Variants in PPM1M observed in about 807,000 individuals in gnomAD.
The protein encoded by PPM1M is protein phosphatase 1M.
A neutral mutation model predicts 50.8 loss-of-function variants in PPM1M; 44 were observed. The ratio of observed to expected loss-of-function variants is 0.87; its 90% CI spans 0.68 to 1.11. The LOEUF (loss-of-function observed/expected upper bound fraction) is 1.11, where lower values mean the gene tolerates loss of function less well. PPM1M is among the 50% of genes most tolerant of loss of function. PPM1M has a pLI of 0.00. For missense variants in PPM1M, 556 were observed against 593.4 expected (o/e 0.94, Z 0.66); for synonymous variants, 224 against 242.9 (o/e 0.92, Z 0.72).
At chr3:52,248,066 G>C in intron 4 of PPM1M, 87 bp from the exon 5 acceptor site, 1 of 1,132,638 alleles carries the variant, frequency 8.8e-7, no homozygotes, top group South Asian at 1.3e-5. Flanking sequence ...CTGGATCCTG[G>C]TGGTTGGAGG....
At position 52,249,936 on chromosome 3, in the gene PPM1M, A is replaced by G. The variant is rs1699935546; in HGVS notation, c.*122A>G. 1.2e-6 allele frequency: 1 copy of G among 837,614 alleles called. No individual in the cohort carries two copies. Among genetic ancestry groups the G allele is most frequent in the African/African-American group, 1.7e-5 (1 of 59,726 alleles). The allele number at this position is 837,614 out of a possible 1,614,324, so 51.9% of individuals were successfully genotyped here. On this transcript the variant is annotated 3_prime_UTR_variant, in exon 10 of 10. Transcript: ENST00000323588. ...CTAGCCACCGCCCAGTGCTCTCACT[A>G]TCCACCTCAACACACATCCATCTCA...
At chr3:52,247,853 G>C in intron 4 of PPM1M, 59 bp downstream of exon 4, 1 of 1,091,246 alleles carries the variant, frequency 9.2e-7, no homozygotes, top group South Asian at 1.3e-5. Flanking sequence ...AGCAGCAATG[G>C]GGACAAGCAA....
Position 52,246,806 on chromosome 3 carries a change from AGAG to A in PPM1M, c.341_342+1del, listed in dbSNP as rs924613647. On this transcript the variant is annotated inframe_deletion, in exon 2 of 10. Coordinates refer to ENST00000323588, the MANE Select transcript of PPM1M (RefSeq NM_144641.4). ...AAGAAGAGTGGCTGACCCTGTGCCC[AGAG>A]GAGGTGAGTGCAGTCTGAGTTCTTG... is the stretch of plus-strand genomic sequence containing the variant. The A allele has an allele frequency of 7.1e-7, 1 of 1,406,624 alleles. No individual in the cohort carries two copies. The highest frequency in any genetic ancestry group is 9.5e-7 in the Non-Finnish European group (1 of 1,055,830). The allele number at this position is 1,406,624 out of a possible 1,614,324, so 87.1% of individuals were successfully genotyped here. A position where few individuals can be genotyped will look rare whatever the true frequency, so the allele number is the denominator to read the frequency against.
In PPM1M at chr3:52,246,043, C is replaced by T; in HGVS notation, c.219C>T (p.Tyr73=). The change falls in exon 1 of 10, where the codon TAC becomes TAT. Residue 73 remains tyrosine (Y), a synonymous_variant. Coordinates refer to ENST00000323588, the MANE Select transcript of PPM1M (RefSeq NM_144641.4). ...RGRTLPWNAG[Y]AEIINAEKSE... is the part of the protein sequence containing the mutation. ...GCACGCTACCCTGGAATGCAGGCTA[C>T]GCCGAGTGAGTGCCCCTCCCCGACC... 1.7e-6 allele frequency: 2 copies of T among 1,166,054 alleles called. No individual in the cohort carries two copies. The allele number at this position is 1,166,054 out of a possible 1,614,324, so 72.2% of individuals were successfully genotyped here.
chr3:52,249,844 C>CT lies in PPM1M; in HGVS notation c.*31dup. 6.3e-7 allele frequency: 1 copy of CT among 1,596,212 alleles called. No individual in the cohort carries two copies. The highest frequency in any genetic ancestry group is 8.6e-7 in the Non-Finnish European group (1 of 1,169,162). Reference sequence around the variant, plus strand: ...TCAGACACTGTATCCCAGAACTGCTCTAGTGCCCGGGTGTGGTCTGGGCAT... The same window carrying CT: ...TCAGACACTGTATCCCAGAACTGCTCTTAGTGCCCGGGTGTGGTCTGGGCAT... On this transcript the variant is annotated 3_prime_UTR_variant, in exon 10 of 10. Coordinates refer to ENST00000323588, the MANE Select transcript of PPM1M (RefSeq NM_144641.4).
At chr3:52,247,305 C>T (rs1309825739) in intron 3 of PPM1M, 77 bp downstream of exon 3, 2 of 1,506,822 alleles carry the variant, frequency 1.3e-6, no homozygotes, top group Non-Finnish European at 1.8e-6. Flanking sequence ...TCTCTGTATA[C>T]CCATGGTCAT....
At position 52,246,848 on chromosome 3, in the gene PPM1M, C is replaced by T. The variant is rs1254012932; in HGVS notation, c.342+36C>T. 5.4e-6 allele frequency: 8 copies of T among 1,468,190 alleles called. 1 individual carries two copies. The highest frequency in any genetic ancestry group is 2.0e-4 in the Middle Eastern group (1 of 4,964). 90.9% of individuals were successfully genotyped at this position (1,468,190 alleles called of 1,614,324 possible). A position where few individuals can be genotyped will look rare whatever the true frequency, so the allele number is the denominator to read the frequency against. Reference sequence around the variant, plus strand: ...TCTGAGTTCTTGGCTGGAATCCCTCCGACAGGCTGGGGCCACGACCTGCAG... The same window carrying T: ...TCTGAGTTCTTGGCTGGAATCCCTCTGACAGGCTGGGGCCACGACCTGCAG... On this transcript the variant is annotated intron_variant, in intron 2 of 9. Transcript: ENST00000323588.
At position 52,249,283 on chromosome 3, in the gene PPM1M, T is replaced by C. The variant is rs1291781500; in HGVS notation, c.1196T>C (p.Val399Ala). The C allele has an allele frequency of 1.9e-6, 3 of 1,611,792 alleles. No individual in the cohort carries two copies. The highest frequency in any genetic ancestry group is 2.2e-5 in the East Asian group (1 of 44,826). ...VLSNEQVAWL[V>A]RSFLPGNQED... ...TCCAACGAGCAGGTGGCATGGCTGG[T>C]GCGGAGCTTCCTCCCTGGGAACCAA... Residue 399 changes from valine (V) to alanine (A), a missense_variant, in exon 9 of 10, where the codon GTG (valine) becomes GCG (alanine). Val to Ala is a moderately conservative substitution (Grantham distance 64, BLOSUM62 0). Transcript: ENST00000323588.
chr3:52,246,237 G>T (rs1699854434), intron 1 of PPM1M, 189 bp downstream of exon 1: 4 of 1,010,064 alleles, frequency 4.0e-6, no homozygotes, highest in Non-Finnish European at 4.7e-6. Flanking sequence ...TTGGGATTCC[G>T]ACCTCCCCCT....
At chr3:52,248,488 C>A (rs747330237) in intron 6 of PPM1M, 35 bp downstream of exon 6, 1 of 1,599,516 alleles carries the variant, frequency 6.3e-7, no homozygotes, top group East Asian at 2.2e-5. Flanking sequence ...GGAAGGGAGA[C>A]CCCTGGGATC....
At position 52,247,182 on chromosome 3, in the gene PPM1M, CAGA is replaced by C; in HGVS notation, c.555_557del (p.Glu185del). 5 of 1,613,432 alleles carry C rather than the reference CAGA, an allele frequency of 3.1e-6. No homozygotes were observed. The highest frequency in any genetic ancestry group is 1.1e-5 in the South Asian group (1 of 90,852). On this transcript the variant is annotated inframe_deletion, in exon 3 of 10. Transcript: ENST00000323588. ...TTTGTGGAGGAAAAGGGCATCAGGG[CAGA>C]AGACTTGGTGATCGGGGCATTGGAG...
Position 52,246,360 on chromosome 3 carries a change from T to C in PPM1M, c.224+312T>C, listed in dbSNP as rs567297079. Reference sequence around the variant, plus strand: ...GCTTTGGAGATTTCCCCTCGCCCTCTACCCCCACCATCTCACCCTGGGTAT... The same window carrying C: ...GCTTTGGAGATTTCCCCTCGCCCTCCACCCCCACCATCTCACCCTGGGTAT... On this transcript the variant is annotated intron_variant, in intron 1 of 9. Coordinates refer to ENST00000323588, the MANE Select transcript of PPM1M (RefSeq NM_144641.4). The C allele has an allele frequency of 1.2e-5, 13 of 1,051,504 alleles. No homozygotes were observed. The African/African-American group carries it at 1.7e-4, about 14-fold the overall frequency. 65.1% of individuals were successfully genotyped at this position (1,051,504 alleles called of 1,614,324 possible).
Position 52,248,242 on chromosome 3 carries a change from G to A in PPM1M, c.795+5G>A. ...CGGCAGCGGATCCAGCAGCTGGTAG[G>A]TGCCCTTGGCAGCATGGAGGCTGTG... On this transcript the variant is annotated splice_donor_5th_base_variant and intron_variant, in intron 5 of 9. Coordinates refer to ENST00000323588, the MANE Select transcript of PPM1M (RefSeq NM_144641.4). 6.2e-7 allele frequency: 1 copy of A among 1,612,706 alleles called. No homozygotes were observed. The highest frequency in any genetic ancestry group is 8.5e-7 in the Non-Finnish European group (1 of 1,179,314).
At position 52,249,808 on chromosome 3, in the gene PPM1M, C is replaced by A. The variant is rs1383494356; in HGVS notation, c.1374C>A (p.Asp458Glu). 6.2e-7 allele frequency: 1 copy of A among 1,612,632 alleles called. No individual in the cohort carries two copies. Among genetic ancestry groups the A allele is most frequent in the Admixed American group, 1.7e-5 (1 of 59,938 alleles). Residue 458 changes from aspartate to glutamate, a missense_variant, in exon 10 of 10, where the codon GAC becomes GAA. By Grantham distance (45) the Asp-to-Glu change is conservative. Coordinates refer to ENST00000323588, the MANE Select transcript of PPM1M (RefSeq NM_144641.4). ...ACAGTCAGGGCCAAGAGAGCAGTGA[C>A]CACTGAGGATTCAGACACTGTATCC... ...PLHSQGQESSDH is the reference protein window; with the variant it reads ...PLHSQGQESSEH
Position 52,245,807 on chromosome 3 carries a change from GC to G in PPM1M, c.-13del. On this transcript the variant is annotated 5_prime_UTR_variant, in exon 1 of 10. Transcript: ENST00000323588. This position sits in a 1 kb window ranked among gnomAD's most constrained non-coding sequence, Gnocchi z 4.8. ...CCTAGCGCCCCGCGCTCCGCGGGCA[GC>G]CCCCTGCCGCCGCGCCATGTCCGCC... 4.0e-6 allele frequency: 4 copies of G among 1,012,518 alleles called. No individual in the cohort carries two copies. Among genetic ancestry groups the G allele is most frequent in the South Asian group, 7.8e-5 (2 of 25,712 alleles). The allele number at this position is 1,012,518 out of a possible 1,614,324, so 62.7% of individuals were successfully genotyped here. A position where few individuals can be genotyped will look rare whatever the true frequency, so the allele number is the denominator to read the frequency against.
In PPM1M at chr3:52,248,683, C is replaced by T. The variant is rs1699907898; in HGVS notation, c.961C>T (p.His321Tyr). ...ATCGGATCTCAAGTACCCACTGATC[C>T]ATGGACAGGGTAGGCAGGTCAGTGC... ...EKSDLKYPLI[H>Y]GQGRQARLLG... The change falls in exon 7 of 10, where the codon CAT becomes TAT. Residue 321 changes from histidine to tyrosine, a missense_variant. Coordinates refer to ENST00000323588, the MANE Select transcript of PPM1M (RefSeq NM_144641.4). 4 of 1,613,802 alleles carry T rather than the reference C, an allele frequency of 2.5e-6. No individual in the cohort carries two copies. Among genetic ancestry groups the T allele is most frequent in the Non-Finnish European group, 2.5e-6 (3 of 1,179,872 alleles).
chr3:52,246,200 C>T, intron 1 of PPM1M, 152 bp downstream of exon 1: 2 of 1,011,020 alleles, frequency 2.0e-6, no homozygotes, highest in Non-Finnish European at 2.4e-6. Flanking sequence ...CTGACAACTT[C>T]CCGGTCATCC....
Position 52,248,624 on chromosome 3 carries a change from C to T in PPM1M, c.915-13C>T, listed in dbSNP as rs1699906153. On this transcript the variant is annotated splice_polypyrimidine_tract_variant and intron_variant, in intron 6 of 9. Transcript: ENST00000323588. ...CACAGGGCTTGGGTTGATGCTGGCT[C>T]TGCTCCTGGTAGGAGCTACAAACGT... 1.2e-6 allele frequency: 2 copies of T among 1,613,560 alleles called. No homozygotes were observed. Among genetic ancestry groups the T allele is most frequent in the African/African-American group, 1.3e-5 (1 of 74,910 alleles).
In PPM1M at chr3:52,249,715, G is replaced by C; in HGVS notation, c.1281G>C (p.Lys427Asn). 2 of 1,613,950 alleles carry C rather than the reference G, an allele frequency of 1.2e-6. No individual in the cohort carries two copies. The highest frequency in any genetic ancestry group is 1.7e-6 in the Non-Finnish European group (2 of 1,179,866). ...TGCTGATACACAGCACACAGGGAAA[G>C]GAAGACAGTCTCACAGAGGAAGGGC... is the stretch of plus-strand genomic sequence containing the variant. ...AQMLIHSTQGKEDSLTEEGQV... is the reference protein window; with the variant it reads ...AQMLIHSTQGNEDSLTEEGQV... The change falls in exon 10 of 10, where the codon AAG becomes AAC. Residue 427 changes from lysine to asparagine, a missense_variant. Coordinates refer to ENST00000323588, the MANE Select transcript of PPM1M (RefSeq NM_144641.4).
Sources: allele counts gnomAD v4.1 joint callset, GRCh38; gene constraint gnomAD v4.1.1; non-coding constraint Gnocchi (gnomAD v3.1); transcripts MANE v1.5; gene names NCBI Gene and HGNC (gene_info 2026-07-23, HGNC 2026-07-21).